Variants in TNFAIP8L3 observed in about 807,000 individuals in gnomAD.
TNFAIP8L3 encodes tumor necrosis factor alpha-induced protein 8-like protein 3.
In TNFAIP8L3, 7 loss-of-function variants were observed where a neutral mutation model predicts 11.8. The ratio of observed to expected loss-of-function variants is 0.59; its 90% confidence interval spans 0.34 to 1.11. TNFAIP8L3 has a LOEUF of 1.11. Ranked by LOEUF, TNFAIP8L3 falls within the 50% of genes most tolerant of loss-of-function variation. TNFAIP8L3 has a pLI of 0.03. For synonymous variants in TNFAIP8L3, 98 were observed against 103.8 expected, an observed-to-expected ratio of 0.94 and a Z score of 0.34; for missense variants, 219 against 258.6, an observed-to-expected ratio of 0.85 and a Z score of 1.05.
At chr15:51,067,523 T>C (rs1213071152) in intron 1 of TNFAIP8L3, among the ~76,000 whole-genome samples, 4 of 152,212 alleles carry the variant, frequency 2.6e-5, no homozygotes, top group Admixed American at 1.3e-4. Context: ...TGTAATGAGA[T>C]AAATTAAGCT....
chr15:51,090,875 G>A (rs1048838729), intron 1 of TNFAIP8L3, among the ~76,000 whole-genome samples: 106 of 152,312 alleles, frequency 7.0e-4, no homozygotes, highest in African/African-American at 2.5e-3. Context: ...TTTGTGGGAG[G>A]AAGGAGCTTA....
intron 1 of TNFAIP8L3, among the ~76,000 whole-genome samples, chr15:51,075,270 C>T (rs528105467): frequency 4.6e-5 from 7 of 152,258 alleles, no homozygotes; most frequent in South Asian, 2.1e-4. Flanking sequence ...GCTTGGCCCA[C>T]TTGGGTTCTG....
intron 1 of TNFAIP8L3, among the ~76,000 whole-genome samples, chr15:51,089,802 G>A (rs766834474): frequency 1.3e-5 from 2 of 152,180 alleles, no homozygotes; most frequent in South Asian, 4.1e-4. Flanking sequence ...TCCTGACTCC[G>A]AAAGCAGCTA....
intron 1 of TNFAIP8L3, among the ~76,000 whole-genome samples, chr15:51,080,179 G>A (rs934324836): frequency 5.9e-5 from 9 of 152,118 alleles, no homozygotes; most frequent in African/African-American, 1.9e-4. Context: ...AAACTTCAGC[G>A]ATGACATTAC....
rs1342790806 is a variant in TNFAIP8L3, at chr15:51,058,015, T to C, written c.481A>G (p.Ile161Val). 3 of 1,614,232 alleles carry C rather than the reference T, an allele frequency of 1.9e-6. No homozygotes were observed. The highest frequency in any genetic ancestry group is 2.5e-6 in the Non-Finnish European group (3 of 1,180,040). ...GCAAAGTGGTTAAAGACGTGGTTGATGCGCCCGTGGGTCCTGGGCGTCAGG... is the reference window on the plus strand; with the variant it reads ...GCAAAGTGGTTAAAGACGTGGTTGACGCGCCCGTGGGTCCTGGGCGTCAGG... ...RHLTPRTHGR[I>V]NHVFNHFADV... is the part of the protein sequence containing the mutation. Residue 161 changes from isoleucine to valine, a missense_variant, in exon 2 of 2, where the codon ATC becomes GTC. Transcript: ENST00000637513.
upstream of TNFAIP8L3, among the ~76,000 whole-genome samples, chr15:51,098,614 C>G (rs1481492881): frequency 1.3e-5 from 2 of 152,002 alleles, no homozygotes; most frequent in Admixed American, 6.6e-5. Context: ...TATTTGTCTC[C>G]CCTCTTATTT....
intron 1 of TNFAIP8L3, among the ~76,000 whole-genome samples, chr15:51,100,976 A>G (rs972796460): frequency 5.9e-5 from 9 of 152,182 alleles, no homozygotes; most frequent in African/African-American, 2.2e-4. Flanking sequence ...GGGCCCCTGT[A>G]CTAGCTGTTT....
upstream of TNFAIP8L3, among the ~76,000 whole-genome samples, chr15:51,099,657 G>A (rs1302042394): frequency 2.0e-5 from 3 of 151,696 alleles, no homozygotes; most frequent in Admixed American, 1.3e-4. Flanking sequence ...ACTGCTGCAT[G>A]AGAGCTGTTC....
At chr15:51,079,855 CAAA>C (rs10602536) in intron 1 of TNFAIP8L3, among the ~76,000 whole-genome samples, 840 of 77,530 alleles carry the variant, frequency 0.011, 3 homozygotes, top group African/African-American at 0.042. Flanking sequence ...GACTTTGTCT[CAAA>C]AAAAAAAAAA....
At position 51,063,691 on chromosome 15, in the gene TNFAIP8L3, TC is replaced by T. The variant is rs1342258892; in HGVS notation, c.53-5249del. Among the ~76,000 whole-genome samples the T allele has an allele frequency of 1.8e-4, 27 of 152,322 alleles. No homozygotes were observed. In the East Asian group the frequency reaches 2.1e-3, roughly 12 times the overall value. On this transcript the variant is annotated intron_variant, in intron 1 of 1. Coordinates refer to ENST00000637513, the MANE Select transcript of TNFAIP8L3 (RefSeq NM_001311175.2). ...CTATGTAGCAAGTGCTATGAGGATA[TC>T]CCGAGAAAAGTATTCAATTGGGTCT... is the stretch of plus-strand genomic sequence containing the variant.
chr15:51,075,947 A>T (rs1297466394), intron 1 of TNFAIP8L3, among the ~76,000 whole-genome samples: 2 of 152,130 alleles, frequency 1.3e-5, no homozygotes, highest in Admixed American at 1.3e-4. Flanking sequence ...GGGAGAAGAA[A>T]CCAGAAGGTA....
intron 1 of TNFAIP8L3, among the ~76,000 whole-genome samples, chr15:51,086,161 A>G (rs1019193921): frequency 6.6e-6 from 1 of 152,188 alleles, no homozygotes; most frequent in African/African-American, 2.4e-5. Context: ...GCACACTTTG[A>G]AAAAGGGTGT....
chr15:51,080,672 G>C (rs1282106188), intron 1 of TNFAIP8L3, among the ~76,000 whole-genome samples: 1 of 152,194 alleles, frequency 6.6e-6, no homozygotes, highest in African/African-American at 2.4e-5. Context: ...GGAGAAAAAG[G>C]CAAAATAGAG....
chr15:51,079,712 T>C (rs915760458), intron 1 of TNFAIP8L3, among the ~76,000 whole-genome samples: 1 of 151,818 alleles, frequency 6.6e-6, no homozygotes, highest in Non-Finnish European at 1.5e-5. Flanking sequence ...AGACTGAGCA[T>C]GGTGGCTCAT....
chr15:51,085,762 C>A (rs1459676093), intron 1 of TNFAIP8L3, among the ~76,000 whole-genome samples: 1 of 151,992 alleles, frequency 6.6e-6, no homozygotes, highest in African/African-American at 2.4e-5. Context: ...AGAAACAGGA[C>A]TCTCATTCTT....
intron 1 of TNFAIP8L3, among the ~76,000 whole-genome samples, chr15:51,086,895 T>C (rs957342121): frequency 7.2e-5 from 8 of 111,038 alleles, no homozygotes; most frequent in Non-Finnish European, 1.5e-4. Flanking sequence ...CTACAACTTC[T>C]TTTTTTTTTT....
chr15:51,099,385 G>T (rs1293984001), upstream of TNFAIP8L3, among the ~76,000 whole-genome samples: 1 of 152,072 alleles, frequency 6.6e-6, no homozygotes, highest in African/African-American at 2.4e-5. Flanking sequence ...CTTTCTTGGT[G>T]GTTAATGCAA....
chr15:51,070,821 C>A (rs1400164924), intron 1 of TNFAIP8L3, among the ~76,000 whole-genome samples: 1 of 150,898 alleles, frequency 6.6e-6, no homozygotes, highest in African/African-American at 2.4e-5. Context: ...CCAAGGCGGG[C>A]GGATCACGAG....
chr15:51,094,975 C>A (rs1170516691), upstream of TNFAIP8L3, among the ~76,000 whole-genome samples: 1 of 151,904 alleles, frequency 6.6e-6, no homozygotes, highest in African/African-American at 2.4e-5. This position sits in a 1 kb window ranked among gnomAD's most constrained non-coding sequence, Gnocchi z 4.4. Context: ...CCGCGCCCTG[C>A]GTCGGAGCCC....
Sources: gnomAD v4.1 joint callset for allele counts (sites outside exome capture counted in the v4.1 genomes callset) on GRCh38, gnomAD v4.1.1 for gene constraint, Gnocchi (gnomAD v3.1) non-coding constraint, MANE v1.5 for transcripts, NCBI Gene and HGNC (gene_info 2026-07-23, HGNC 2026-07-21) for gene names.